DLG2: variants seen among roughly 807,000 people sequenced by gnomAD.
DLG2 encodes disks large homolog 2.
Under a neutral mutation model 132.5 loss-of-function variants are expected in DLG2, and 45 were observed. The ratio of observed to expected loss-of-function variants is 0.34; its 90% CI spans 0.27 to 0.44. The LOEUF is 0.44. Ranked by LOEUF, DLG2 falls within the 20% of genes least tolerant of loss-of-function variation. The pLI, the probability that DLG2 is intolerant of heterozygous loss-of-function variation, is 1.00. For missense variants in DLG2, 1,045 were observed against 1,196.9 expected (o/e 0.87, Z 1.87); for synonymous variants, 424 against 419.6 (o/e 1.01, Z -0.13).
At chr11:83,522,528 GAA>G (rs11304319) in intron 21 of DLG2, among the ~76,000 whole-genome samples, 13 of 149,252 alleles carry the variant, frequency 8.7e-5, no homozygotes, top group South Asian at 2.1e-4. Context: ...ACAACCTATA[GAA>G]AAAAAAAAAG....
At chr11:83,826,949 G>T (rs2052995839) in intron 17 of DLG2, among the ~76,000 whole-genome samples, 1 of 152,138 alleles carries the variant, frequency 6.6e-6, no homozygotes, top group South Asian at 2.1e-4. Context: ...ATAGGCCCCA[G>T]ATCCTCTTTA....
intron 6 of DLG2, among the ~76,000 whole-genome samples, chr11:84,854,088 G>A (rs1361100513): frequency 6.6e-6 from 1 of 151,988 alleles, no homozygotes; most frequent in Non-Finnish European, 1.5e-5. Flanking sequence ...TTGCTTATAT[G>A]TTGACAGGAT....
intron 7 of DLG2, among the ~76,000 whole-genome samples, chr11:84,251,866 C>T (rs369230196): frequency 6.6e-6 from 1 of 151,856 alleles, no homozygotes; most frequent in Non-Finnish European, 1.5e-5. Flanking sequence ...TCTTGATCTC[C>T]TGACCTTGTG....
chr11:85,146,663 T>A (rs988861362), intron 5 of DLG2, among the ~76,000 whole-genome samples: 1 of 152,160 alleles, frequency 6.6e-6, no homozygotes, highest in Non-Finnish European at 1.5e-5. Flanking sequence ...CTAAGGAGTC[T>A]TTCCCAAGCT....
At chr11:83,866,189 G>T (rs538622618) in intron 16 of DLG2, among the ~76,000 whole-genome samples, 3 of 152,058 alleles carry the variant, frequency 2.0e-5, no homozygotes, top group South Asian at 4.2e-4. Context: ...TGTCTGCTTT[G>T]CTCATCATTA....
chr11:83,795,741 A>G lies in DLG2; in HGVS notation c.1723-8949T>C, dbSNP rs143343805. On this transcript the variant is annotated intron_variant, in intron 17 of 27. Transcript: ENST00000376104. ...GAATAAATGATGATTCTCTGGAAAT[A>G]TTTGTCTATTTCTTAGTGCTATAGA... is the stretch of plus-strand genomic sequence containing the variant. 2.0e-5 allele frequency among the ~76,000 whole-genome samples: 3 copies of G among 152,170 alleles called. No homozygotes were observed. In the East Asian group the frequency reaches 5.8e-4, roughly 29 times the overall value.
rs541798078 is a variant in DLG2, at chr11:85,458,039, C to A, written c.40+140618G>T. ...ATTCTAAAATATGTTTTCCAAGTTG[C>A]TTGCTTTCTCTCCATCTCTTTCAGG... On this transcript the variant is annotated intron_variant, in intron 3 of 27. Transcript: ENST00000376104. 4.6e-5 allele frequency among the ~76,000 whole-genome samples: 7 copies of A among 152,258 alleles called. No homozygotes were observed. In the East Asian group the frequency reaches 1.4e-3, roughly 29 times the overall value.
chr11:84,999,597 T>C (rs1472313832), intron 6 of DLG2, among the ~76,000 whole-genome samples: 4 of 152,194 alleles, frequency 2.6e-5, no homozygotes, highest in East Asian at 3.8e-4. Flanking sequence ...TTAATAAGGT[T>C]CACTGTGGGT....
At chr11:84,309,598 A>T (rs1236686739) in intron 7 of DLG2, among the ~76,000 whole-genome samples, 2 of 152,220 alleles carry the variant, frequency 1.3e-5, no homozygotes, top group African/African-American at 2.4e-5. Context: ...AAACATCTAG[A>T]TTCCTTTAGA....
intron 11 of DLG2, among the ~76,000 whole-genome samples, chr11:84,005,436 A>G (rs1450680432): frequency 1.3e-5 from 2 of 151,970 alleles, no homozygotes; most frequent in African/African-American, 4.8e-5. Flanking sequence ...ACACTAATCT[A>G]GGCAAAGATT....
chr11:83,489,000 T>A (rs931081047), intron 21 of DLG2, among the ~76,000 whole-genome samples: 1 of 152,042 alleles, frequency 6.6e-6, no homozygotes, highest in Admixed American at 6.6e-5. Flanking sequence ...CACGTATACA[T>A]GTGTGTCTAT....
chr11:85,460,864 A>T (rs977338184), intron 3 of DLG2, among the ~76,000 whole-genome samples: 14 of 152,162 alleles, frequency 9.2e-5, no homozygotes, highest in African/African-American at 3.4e-4. Flanking sequence ...TGTGAGGTTT[A>T]TGTTTGTCGA....
chr11:85,339,746 G>T (rs546974060), intron 3 of DLG2, among the ~76,000 whole-genome samples: 1 of 151,926 alleles, frequency 6.6e-6, no homozygotes, highest in Non-Finnish European at 1.5e-5. Context: ...TTAGCCCTTT[G>T]TGGGCTAATA....
intron 19 of DLG2, among the ~76,000 whole-genome samples, chr11:83,572,768 T>C (rs2096819200): frequency 6.6e-6 from 1 of 152,196 alleles, no homozygotes; most frequent in Non-Finnish European, 1.5e-5. Flanking sequence ...ACTCACTCTT[T>C]GTTGGATGGG....
chr11:83,651,164 A>G (rs981115595), intron 18 of DLG2, among the ~76,000 whole-genome samples: 1 of 152,208 alleles, frequency 6.6e-6, no homozygotes, highest in Non-Finnish European at 1.5e-5. Context: ...ACAAGTAAGT[A>G]CCTAGTACAT....
chr11:84,625,698 C>T (rs186954882), intron 6 of DLG2, among the ~76,000 whole-genome samples: 39 of 152,276 alleles, frequency 2.6e-4, no homozygotes, highest in Middle Eastern at 6.8e-3. Context: ...CTAAAAATAT[C>T]GGTATGATGA....
intron 10 of DLG2, among the ~76,000 whole-genome samples, chr11:84,087,508 G>A (rs934339009): frequency 2.0e-5 from 3 of 152,134 alleles, no homozygotes; most frequent in African/African-American, 7.2e-5. Context: ...CTCACCTCAA[G>A]AAATTTATGT....
At chr11:85,340,324 T>G (rs2082398598) in intron 3 of DLG2, among the ~76,000 whole-genome samples, 1 of 152,076 alleles carries the variant, frequency 6.6e-6, no homozygotes, top group South Asian at 2.1e-4. Flanking sequence ...AAAGGATGAG[T>G]TCATGTCCTT....
intron 5 of DLG2, among the ~76,000 whole-genome samples, chr11:85,133,718 G>C (rs1466101316): frequency 6.6e-6 from 1 of 152,080 alleles, no homozygotes; most frequent in African/African-American, 2.4e-5. Context: ...GAAAAAATGA[G>C]TTCTTTCCCA....
Sources: allele counts gnomAD v4.1 joint callset (sites outside exome capture counted in the v4.1 genomes callset), GRCh38; gene constraint gnomAD v4.1.1; transcripts MANE v1.5; gene names NCBI Gene and HGNC (gene_info 2026-07-23, HGNC 2026-07-21).